FBXL7: variants seen among roughly 807,000 people sequenced by gnomAD.
FBXL7 encodes F-box/LRR-repeat protein 7.
FBXL7 carries 12 observed loss-of-function variants against 38.3 expected under a neutral mutation model. The observed-to-expected ratio is 0.31, with a 90% CI of 0.20 to 0.51. The LOEUF (loss-of-function observed/expected upper bound fraction) is 0.51. FBXL7 is among the 20% of genes least tolerant of loss of function. The pLI is 0.98. For missense variants in FBXL7, 567 were observed against 676.4 expected (o/e 0.84, Z 1.79); for synonymous variants, 297 against 300.9 (o/e 0.99, Z 0.13).
intron 2 of FBXL7, among the ~76,000 whole-genome samples, chr5:15,872,177 C>A (rs1305455677): frequency 6.6e-6 from 1 of 152,112 alleles, no homozygotes; most frequent in Non-Finnish European, 1.5e-5. Flanking sequence ...CATATCCAGC[C>A]AAACAGCTTC....
intron 1 of FBXL7, among the ~76,000 whole-genome samples, chr5:15,521,588 C>G (rs185022449): frequency 1.3e-5 from 2 of 152,270 alleles, no homozygotes; most frequent in East Asian, 1.9e-4. Context: ...GATGCTTTCA[C>G]TTTGGGAAAC....
chr5:15,903,877 A>T (rs1741290658), intron 2 of FBXL7, among the ~76,000 whole-genome samples: 1 of 152,188 alleles, frequency 6.6e-6, no homozygotes, highest in Admixed American at 6.5e-5. Flanking sequence ...CCCTTTCACA[A>T]TATAAAAATC....
chr5:15,821,222 G>A (rs982105936), intron 2 of FBXL7, among the ~76,000 whole-genome samples: 2 of 152,164 alleles, frequency 1.3e-5, no homozygotes, highest in Admixed American at 1.3e-4. Flanking sequence ...TTCATAAAAT[G>A]TATAGAAATA....
In FBXL7 at chr5:15,628,630, A is replaced by G. The variant is rs188472376; in HGVS notation, c.127+12558A>G. On this transcript the variant is annotated intron_variant, in intron 2 of 3. Coordinates refer to ENST00000504595, the MANE Select transcript of FBXL7 (RefSeq NM_012304.5). ...TCCATTAACACGTCCATAATATTCA[A>G]TGTGAATACATTTAAGCATGCTGTT... Among the ~76,000 whole-genome samples, 51 of 152,340 alleles carry G rather than the reference A, an allele frequency of 3.3e-4. No homozygotes were observed. The East Asian group carries it at 9.6e-3, about 29-fold the overall frequency.
chr5:15,778,307 A>G (rs1736908993), intron 2 of FBXL7, among the ~76,000 whole-genome samples: 1 of 151,994 alleles, frequency 6.6e-6, no homozygotes, highest in Admixed American at 6.6e-5. Flanking sequence ...TCCATCTCTT[A>G]TTTTACTGAG....
intron 2 of FBXL7, among the ~76,000 whole-genome samples, chr5:15,852,355 C>G (rs557948788): frequency 2.0e-5 from 3 of 152,130 alleles, no homozygotes; most frequent in Admixed American, 6.5e-5. Context: ...ATATATCTGC[C>G]TTACTGCCCC....
chr5:15,714,621 G>A (rs963313651), intron 2 of FBXL7, among the ~76,000 whole-genome samples: 8 of 152,132 alleles, frequency 5.3e-5, no homozygotes, highest in African/African-American at 4.8e-5. Context: ...TTAGGAGGCC[G>A]AGGCGGGTGG....
At chr5:15,776,708 A>T (rs1231691040) in intron 2 of FBXL7, among the ~76,000 whole-genome samples, 3 of 152,262 alleles carry the variant, frequency 2.0e-5, no homozygotes, top group African/African-American at 7.2e-5. Flanking sequence ...ACTAACATCA[A>T]CACTAGAGAG....
chr5:15,736,661 T>C (rs537339786), intron 2 of FBXL7, among the ~76,000 whole-genome samples: 25 of 152,338 alleles, frequency 1.6e-4, no homozygotes, highest in East Asian at 5.8e-4. Flanking sequence ...ATTTATACTC[T>C]AGGAAAACAA....
intron 1 of FBXL7, among the ~76,000 whole-genome samples, chr5:15,512,341 A>G (rs539698030): frequency 1.3e-5 from 2 of 151,898 alleles, no homozygotes; most frequent in East Asian, 3.9e-4. Context: ...ACTGTTTTCT[A>G]TTTCTTTGTG....
At chr5:15,814,960 C>T (rs147495488) in intron 2 of FBXL7, among the ~76,000 whole-genome samples, 66 of 152,266 alleles carry the variant, frequency 4.3e-4, no homozygotes, top group African/African-American at 1.6e-3. Context: ...TCTCCCTGAT[C>T]CTAAGCAGCC....
rs141670614 is a variant in FBXL7, at chr5:15,659,720, T to A, written c.127+43648T>A. Among the ~76,000 whole-genome samples, 427 of 152,308 alleles carry A rather than the reference T, an allele frequency of 2.8e-3. 2 individuals carry two copies. Among genetic ancestry groups the A allele is most frequent in the African/African-American group, 9.8e-3 (408 of 41,568 alleles). On this transcript the variant is annotated intron_variant, in intron 2 of 3. Coordinates refer to ENST00000504595, the MANE Select transcript of FBXL7 (RefSeq NM_012304.5). ...TGCCCACGGTTGAATTCTAAAGCAC[T>A]GTTAAAATAGGGCTGTCTGTATCAG... is the stretch of plus-strand genomic sequence containing the variant.
chr5:15,533,652 G>T (rs1737491009), intron 1 of FBXL7, among the ~76,000 whole-genome samples: 1 of 152,184 alleles, frequency 6.6e-6, no homozygotes, highest in Non-Finnish European at 1.5e-5. Flanking sequence ...CCCAGTTCCT[G>T]CGGGCTCTGC....
chr5:15,594,068 C>T (rs1739551161), intron 1 of FBXL7, among the ~76,000 whole-genome samples: 1 of 152,160 alleles, frequency 6.6e-6, no homozygotes, highest in African/African-American at 2.4e-5. Flanking sequence ...TTGTCCAGTG[C>T]TCACAATATG....
intron 2 of FBXL7, among the ~76,000 whole-genome samples, chr5:15,795,995 A>G (rs766984178): frequency 9.9e-5 from 15 of 152,210 alleles, no homozygotes; most frequent in Admixed American, 8.5e-4. Flanking sequence ...ATTTTGTCCT[A>G]TATATTTCAG....
At chr5:15,551,092 C>A (rs1738053105) in intron 1 of FBXL7, among the ~76,000 whole-genome samples, 1 of 152,144 alleles carries the variant, frequency 6.6e-6, no homozygotes, top group African/African-American at 2.4e-5. Flanking sequence ...AAGATCCTTC[C>A]TTTTGCCCCT....
chr5:15,675,395 G>A (rs1271359924), intron 2 of FBXL7, among the ~76,000 whole-genome samples: 2 of 152,182 alleles, frequency 1.3e-5, no homozygotes, highest in Admixed American at 6.5e-5. Flanking sequence ...ACACAATCTT[G>A]TATCATCTAA....
intron 2 of FBXL7, among the ~76,000 whole-genome samples, chr5:15,796,057 G>A (rs190989172): frequency 6.6e-6 from 1 of 152,276 alleles, no homozygotes; most frequent in African/African-American, 2.4e-5. Context: ...TTGTTAAATT[G>A]TGAATAAATC....
intron 2 of FBXL7, among the ~76,000 whole-genome samples, chr5:15,718,347 T>G (rs1313466821): frequency 6.6e-6 from 1 of 152,210 alleles, no homozygotes; most frequent in Non-Finnish European, 1.5e-5. Context: ...TCCCTTCATC[T>G]TTCTTTAGAT....
Sources: allele counts gnomAD v4.1 joint callset (sites outside exome capture counted in the v4.1 genomes callset), GRCh38; gene constraint gnomAD v4.1.1; transcripts MANE v1.5; gene names NCBI Gene and HGNC (gene_info 2026-07-23, HGNC 2026-07-21).